The following CTNNA3 variants were observed in gnomAD, a reference collection of about 807,000 sequenced individuals.
The protein encoded by CTNNA3 is catenin alpha-3.
CTNNA3 carries 76 observed loss-of-function variants against 95.7 expected under a neutral mutation model. The ratio of observed to expected loss-of-function variants is 0.79; its 90% CI spans 0.66 to 0.96. The LOEUF (loss-of-function observed/expected upper bound fraction) is 0.96, where lower values mean the gene tolerates loss of function less well. Among genes scored for constraint, CTNNA3 ranks in the 40% least tolerant of loss-of-function variants. CTNNA3 has a pLI of 0.00. For missense variants in CTNNA3, 1,191 were observed against 1,089.8 expected (o/e 1.09, Z -1.31); for synonymous variants, 431 against 374.4 (o/e 1.15, Z -1.74).
chr10:67,382,458 C>A (rs1180629554), intron 5 of CTNNA3, among the ~76,000 whole-genome samples: 3 of 151,932 alleles, frequency 2.0e-5, no homozygotes, highest in African/African-American at 7.3e-5. Context: ...AATCAACTAA[C>A]AAAGGTTCAT....
At position 66,231,303 on chromosome 10, in the gene CTNNA3, A is replaced by G. The variant is rs1423425568; in HGVS notation, c.1884+49167T>C. 2.6e-5 allele frequency among the ~76,000 whole-genome samples: 4 copies of G among 152,140 alleles called. No homozygotes were observed. The East Asian group carries it at 5.8e-4, about 22-fold the overall frequency. ...GACACTTCATTTTCTCTATATGCAT[A>G]TATGATACTATATAACCCTAGTATC... is the stretch of plus-strand genomic sequence containing the variant. On this transcript the variant is annotated intron_variant, in intron 13 of 17. Coordinates refer to ENST00000433211, the MANE Select transcript of CTNNA3 (RefSeq NM_013266.4).
chr10:67,566,809 G>A (rs1196258862), intron 3 of CTNNA3, among the ~76,000 whole-genome samples: 2 of 151,926 alleles, frequency 1.3e-5, no homozygotes, highest in East Asian at 1.9e-4. Context: ...AAGAAAATGT[G>A]GCACATATAC....
At chr10:66,731,659 A>G (rs562718809) in intron 9 of CTNNA3, among the ~76,000 whole-genome samples, 2 of 152,352 alleles carry the variant, frequency 1.3e-5, no homozygotes, top group South Asian at 2.1e-4. Flanking sequence ...GAAGCAGAGT[A>G]AAACATAAAT....
At chr10:67,223,485 T>A (rs903843409) in intron 5 of CTNNA3, among the ~76,000 whole-genome samples, 1 of 152,200 alleles carries the variant, frequency 6.6e-6, no homozygotes, top group African/African-American at 2.4e-5. Flanking sequence ...TAATCTTTTT[T>A]TAAATGCTCC....
intron 11 of CTNNA3, among the ~76,000 whole-genome samples, chr10:66,507,202 T>C (rs1840478212): frequency 6.6e-6 from 1 of 152,142 alleles, no homozygotes; most frequent in Non-Finnish European, 1.5e-5. Flanking sequence ...TGTTCATTTT[T>C]CTCTTTTTTT....
chr10:66,292,536 T>A (rs2091701280), intron 12 of CTNNA3, among the ~76,000 whole-genome samples: 1 of 152,190 alleles, frequency 6.6e-6, no homozygotes, highest in African/African-American at 2.4e-5. Context: ...TCTGTTCCTA[T>A]TCACTAAAGT....
At chr10:67,345,518 C>A (rs1202418848) in intron 5 of CTNNA3, among the ~76,000 whole-genome samples, 1 of 152,036 alleles carries the variant, frequency 6.6e-6, no homozygotes, top group African/African-American at 2.4e-5. Flanking sequence ...GTGTTGGGTG[C>A]ATATATATTT....
intron 13 of CTNNA3, among the ~76,000 whole-genome samples, chr10:66,273,005 A>T (rs1209517871): frequency 1.3e-5 from 2 of 152,228 alleles, no homozygotes; most frequent in Non-Finnish European, 2.9e-5. Context: ...GAAGAGTGAT[A>T]GCAAAACTAA....
At chr10:66,641,210 T>G (rs1450827600) in intron 9 of CTNNA3, among the ~76,000 whole-genome samples, 1 of 152,210 alleles carries the variant, frequency 6.6e-6, no homozygotes, top group Non-Finnish European at 1.5e-5. Context: ...GAAATGCTTT[T>G]TATGCCATAT....
chr10:67,431,097 T>C (rs1166673318), intron 5 of CTNNA3, among the ~76,000 whole-genome samples: 1 of 151,980 alleles, frequency 6.6e-6, no homozygotes, highest in Non-Finnish European at 1.5e-5. Context: ...CTCCTGCCTA[T>C]CATCTTTCTC....
intron 7 of CTNNA3, among the ~76,000 whole-genome samples, chr10:67,163,901 C>T (rs1861653415): frequency 6.6e-6 from 1 of 151,716 alleles, no homozygotes; most frequent in South Asian, 2.1e-4. Flanking sequence ...AAAAATGAAA[C>T]AATTAGGTAT....
rs1055167835 is a variant in CTNNA3, at chr10:65,918,838, A to C, written c.*1492T>G. On this transcript the variant is annotated 3_prime_UTR_variant, in exon 18 of 18. Transcript: ENST00000433211. ...AAGATTCCACACATATCGTACTGTCAATCTTTATGCTTTTCTATGTTTCAT... is the reference window on the plus strand; with the variant it reads ...AAGATTCCACACATATCGTACTGTCCATCTTTATGCTTTTCTATGTTTCAT... The C allele has an allele frequency of 6.6e-6, 1 of 152,098 alleles. No individual in the cohort carries two copies. Among genetic ancestry groups the C allele is most frequent in the African/African-American group, 2.4e-5 (1 of 41,426 alleles). 9.4% of individuals were successfully genotyped at this position (152,098 alleles called of 1,614,324 possible).
chr10:67,573,333 A>T (rs897339838), intron 3 of CTNNA3, among the ~76,000 whole-genome samples: 7 of 152,172 alleles, frequency 4.6e-5, no homozygotes, highest in Non-Finnish European at 1.5e-5. Context: ...GCAAGCATGC[A>T]GCCTGGACAG....
At chr10:67,347,568 T>A (rs74142494) in intron 5 of CTNNA3, among the ~76,000 whole-genome samples, 2,719 of 152,266 alleles carry the variant, frequency 0.018, 86 homozygotes, top group African/African-American at 0.06. Flanking sequence ...AACTGTATCC[T>A]TGTAGAATTT....
chr10:66,798,735 T>C (rs529742098), intron 7 of CTNNA3, among the ~76,000 whole-genome samples: 6 of 151,766 alleles, frequency 4.0e-5, no homozygotes, highest in African/African-American at 1.4e-4. Flanking sequence ...ATAGTGAGTA[T>C]TGGAGTCTTT....
intron 9 of CTNNA3, among the ~76,000 whole-genome samples, chr10:66,643,445 G>A (rs897391951): frequency 1.3e-5 from 2 of 152,086 alleles, no homozygotes; most frequent in Admixed American, 1.3e-4. Context: ...AAATCTTTGT[G>A]AGCATAGCTA....
chr10:66,813,949 G>A (rs1419394325), intron 7 of CTNNA3, among the ~76,000 whole-genome samples: 3 of 151,980 alleles, frequency 2.0e-5, no homozygotes, highest in Non-Finnish European at 4.4e-5. Context: ...GTGAAATGAA[G>A]GAAGCCTAAA....
chr10:66,948,495 C>T (rs529908981), intron 7 of CTNNA3, among the ~76,000 whole-genome samples: 6 of 152,152 alleles, frequency 3.9e-5, no homozygotes, highest in East Asian at 1.9e-4. Context: ...GACAACTGAC[C>T]GATTCTTATT....
In CTNNA3 at chr10:66,308,351, A is replaced by T. The variant is rs556972421; in HGVS notation, c.1733-27730T>A. On this transcript the variant is annotated intron_variant, in intron 12 of 17. Coordinates refer to ENST00000433211, the MANE Select transcript of CTNNA3 (RefSeq NM_013266.4). ...ATTTTTCTAAATTTTGAGATTCAAT[A>T]AATTAAAAGCACTAAATATTGAAAC... Among the ~76,000 whole-genome samples, 8 of 152,304 alleles carry T rather than the reference A, an allele frequency of 5.3e-5. No homozygotes were observed. The South Asian group carries it at 1.7e-3, about 32-fold the overall frequency.
Sources: allele counts gnomAD v4.1 joint callset (sites outside exome capture counted in the v4.1 genomes callset), GRCh38; gene constraint gnomAD v4.1.1; transcripts MANE v1.5; gene names NCBI Gene and HGNC (gene_info 2026-07-23, HGNC 2026-07-21).